MBD5: variants seen among roughly 807,000 people sequenced by gnomAD.
MBD5 encodes methyl-CpG binding domain protein 5, also known as methyl-CpG-binding domain protein 5.
A neutral mutation model predicts 117.3 loss-of-function variants in MBD5; 13 were observed. The observed-to-expected ratio is 0.11, with a 90% CI of 0.07 to 0.18. MBD5 has a LOEUF of 0.18. Ranked by LOEUF, MBD5 falls within the 10% of genes least tolerant of loss-of-function variation. The pLI, the probability that MBD5 is intolerant of heterozygous loss-of-function variation, is 1.00. For missense variants in MBD5, 1,879 were observed against 2,093.8 expected (o/e 0.90, Z 2.00); for synonymous variants, 727 against 766.4 (o/e 0.95, Z 0.85).
chr2:148,093,286 G>A (rs972548432), intron 1 of MBD5, among the ~76,000 whole-genome samples: 6 of 152,128 alleles, frequency 3.9e-5, no homozygotes, highest in Non-Finnish European at 8.8e-5. Context: ...CTCATAGGAG[G>A]CTATGCACTA....
intron 3 of MBD5, among the ~76,000 whole-genome samples, chr2:148,287,048 T>C (rs1701383474): frequency 6.6e-6 from 1 of 152,190 alleles, no homozygotes; most frequent in Non-Finnish European, 1.5e-5. Flanking sequence ...GTTCTTTTTT[T>C]TGCAAAAATA....
chr2:148,483,282 A>G lies in MBD5; in HGVS notation c.2691A>G (p.Ala897=). The part of the protein sequence containing the change: ...SDFPFVGQEH[A]LHFPSNSTSN... Reference sequence around the variant, plus strand: ...TTCCTTTTGTTGGCCAGGAGCACGCACTTCATTTTCCATCCAACAGCACTT... The same window carrying G: ...TTCCTTTTGTTGGCCAGGAGCACGCGCTTCATTTTCCATCCAACAGCACTT... Residue 897 remains alanine, a synonymous_variant, in exon 9 of 14, where the codon GCA becomes GCG. Transcript: ENST00000642680. 1.2e-6 allele frequency: 2 copies of G among 1,614,022 alleles called. No individual in the cohort carries two copies. The highest frequency in any genetic ancestry group is 1.7e-6 in the Non-Finnish European group (2 of 1,179,992).
At chr2:148,288,467 T>C (rs1273202647) in intron 3 of MBD5, among the ~76,000 whole-genome samples, 1 of 149,682 alleles carries the variant, frequency 6.7e-6, no homozygotes, top group Non-Finnish European at 1.5e-5. Context: ...TTGACTAAAG[T>C]GGGCTGTCAG....
chr2:148,416,697 G>A (rs975519806), intron 4 of MBD5, among the ~76,000 whole-genome samples: 5 of 151,950 alleles, frequency 3.3e-5, no homozygotes, highest in African/African-American at 9.7e-5. Flanking sequence ...GTGAAGTCTG[G>A]GATTTTAGTG....
At chr2:148,507,611 T>C (rs1308603990) in intron 12 of MBD5, among the ~76,000 whole-genome samples, 1 of 148,442 alleles carries the variant, frequency 6.7e-6, no homozygotes, top group African/African-American at 2.5e-5. Flanking sequence ...TACAAAAAAT[T>C]AGCCGGGCGC....
chr2:148,330,601 G>T (rs1702621659), intron 3 of MBD5: 1 of 152,192 alleles, frequency 6.6e-6, no homozygotes, highest in African/African-American at 2.4e-5. Context: ...GTGGTTTCAG[G>T]TATGACATCT....
At chr2:148,415,606 G>A (rs1705393965) in intron 4 of MBD5, among the ~76,000 whole-genome samples, 1 of 152,174 alleles carries the variant, frequency 6.6e-6, no homozygotes, top group Non-Finnish European at 1.5e-5. Context: ...ATGCTAATGA[G>A]TCATAGATTT....
At chr2:148,270,044 G>A (rs1700947695) in intron 3 of MBD5, among the ~76,000 whole-genome samples, 1 of 151,870 alleles carries the variant, frequency 6.6e-6, no homozygotes, top group Non-Finnish European at 1.5e-5. Context: ...TGGATGCAGT[G>A]TATTATAAGT....
At chr2:148,370,477 CTATTTATT>C (rs200927183) in intron 4 of MBD5, among the ~76,000 whole-genome samples, 1 of 151,636 alleles carries the variant, frequency 6.6e-6, no homozygotes, top group East Asian at 1.9e-4. Context: ...GCACGATAGC[CTATTTATT>C]TATTTATTTA....
intron 1 of MBD5, among the ~76,000 whole-genome samples, chr2:148,075,566 T>A (rs1695488818): frequency 6.6e-6 from 1 of 152,152 alleles, no homozygotes; most frequent in African/African-American, 2.4e-5. Flanking sequence ...GAAATACTCC[T>A]TAGCTATGAG....
At chr2:148,225,565 CAGA>C (rs1384335044) in intron 2 of MBD5, among the ~76,000 whole-genome samples, 2 of 152,184 alleles carry the variant, frequency 1.3e-5, no homozygotes, top group African/African-American at 4.8e-5. Flanking sequence ...TTTGTACTTT[CAGA>C]TGATTTGTTG....
chr2:148,295,807 CACAG>C (rs767805828), intron 3 of MBD5: 7 of 173,206 alleles, frequency 4.0e-5, no homozygotes, highest in South Asian at 1.5e-4. Context: ...TGAAGTGTTA[CACAG>C]ACAAAGTTCT....
intron 4 of MBD5, among the ~76,000 whole-genome samples, chr2:148,381,092 C>A (rs188525605): frequency 6.6e-6 from 1 of 152,238 alleles, no homozygotes; most frequent in Admixed American, 6.5e-5. Flanking sequence ...CAGCTCCTCA[C>A]CAGCAACGGA....
chr2:148,370,827 G>A (rs1703831671), intron 4 of MBD5, among the ~76,000 whole-genome samples: 1 of 152,124 alleles, frequency 6.6e-6, no homozygotes, highest in Admixed American at 6.6e-5. Flanking sequence ...CATTTAATAG[G>A]AAATTAGGAG....
At chr2:148,262,224 A>G (rs6731657) in intron 3 of MBD5, among the ~76,000 whole-genome samples, 21,273 of 152,096 alleles carry the variant, frequency 0.14, 1,715 homozygotes, top group African/African-American at 0.18. Flanking sequence ...AAAAAACACA[A>G]TATCTGTGAA....
chr2:148,494,646 C>T (rs1236864708), intron 11 of MBD5, among the ~76,000 whole-genome samples: 1 of 152,070 alleles, frequency 6.6e-6, no homozygotes, highest in African/African-American at 2.4e-5. Flanking sequence ...GTGTTTTTTC[C>T]CTTGGTTAAC....
In MBD5 at chr2:148,342,251, A is replaced by G. The variant is rs1034326495; in HGVS notation, c.-642A>G. On this transcript the variant is annotated 5_prime_UTR_variant, in exon 4 of 14. Coordinates refer to ENST00000642680, the MANE Select transcript of MBD5 (RefSeq NM_001378120.1). ...CTCCCTTATAGGGACTCGTAAAGACATAGAGCATCTGGAAATTAACTGCCT... is the reference window on the plus strand; with the variant it reads ...CTCCCTTATAGGGACTCGTAAAGACGTAGAGCATCTGGAAATTAACTGCCT... 2.0e-5 allele frequency: 3 copies of G among 152,056 alleles called. No individual in the cohort carries two copies. The highest frequency in any genetic ancestry group is 2.9e-5 in the Non-Finnish European group (2 of 67,958). The allele number at this position is 152,056 out of a possible 1,614,324, so 9.4% of individuals were successfully genotyped here. A position where few individuals can be genotyped will look rare whatever the true frequency, so the allele number is the denominator to read the frequency against.
At chr2:148,335,060 A>G (rs1048912163) in intron 3 of MBD5, among the ~76,000 whole-genome samples, 2 of 152,212 alleles carry the variant, frequency 1.3e-5, no homozygotes, top group Non-Finnish European at 2.9e-5. Flanking sequence ...TTTAGTTAGG[A>G]CATATGATAA....
intron 3 of MBD5, among the ~76,000 whole-genome samples, chr2:148,245,244 A>G (rs537438962): frequency 6.6e-6 from 1 of 151,654 alleles, no homozygotes; most frequent in African/African-American, 2.4e-5. Flanking sequence ...TTTATTTTTT[A>G]AGACAGAGTC....
Sources: allele counts gnomAD v4.1 joint callset (sites outside exome capture counted in the v4.1 genomes callset), GRCh38; gene constraint gnomAD v4.1.1; transcripts MANE v1.5; gene names NCBI Gene and HGNC (gene_info 2026-07-23, HGNC 2026-07-21).